Variants in MAP3K8 observed in about 807,000 individuals in gnomAD.
The protein encoded by MAP3K8 is mitogen-activated protein kinase kinase kinase 8.
A neutral mutation model predicts 45.8 loss-of-function variants in MAP3K8; 22 were observed. The ratio of observed to expected loss-of-function variants is 0.48; its 90% confidence interval spans 0.34 to 0.69. MAP3K8 has a LOEUF of 0.69. MAP3K8 is among the 30% of genes least tolerant of loss of function. MAP3K8 has a pLI of 0.01. For synonymous variants in MAP3K8, 223 were observed against 214.3 expected, an observed-to-expected ratio of 1.04 and a Z score of -0.36; for missense variants, 419 against 585.0, an observed-to-expected ratio of 0.72 and a Z score of 2.93.
chr10:30,443,581 G>C (rs1003400072), intron 3 of MAP3K8, among the ~76,000 whole-genome samples: 2 of 152,168 alleles, frequency 1.3e-5, no homozygotes, highest in Non-Finnish European at 2.9e-5. Flanking sequence ...TTGAATGTGA[G>C]GATCCATTTG....
intron 5 of MAP3K8, 135 bp from the exon 6 acceptor site, chr10:30,451,503 T>C: frequency 4.0e-6 from 2 of 500,226 alleles, no homozygotes; most frequent in South Asian, 7.2e-5. Flanking sequence ...CTTTTGAATA[T>C]AATACAACCA....
In MAP3K8 at chr10:30,458,253, C is replaced by CCTGGG; in HGVS notation, c.1026+17_1026+18insCTGGG. 1 of 599,126 alleles carries CCTGGG rather than the reference C, an allele frequency of 1.7e-6. No homozygotes were observed. Among genetic ancestry groups the CCTGGG allele is most frequent in the Non-Finnish European group, 2.6e-6 (1 of 387,902 alleles). The allele number at this position is 599,126 out of a possible 1,614,324, so 37.1% of individuals were successfully genotyped here. ...CTGTACATAGTAAGTGGGGTTCAAC[C>CCTGGG]AGGGCTGGGGGCGGCGGGGGGGGGC... On this transcript the variant is annotated intron_variant, in intron 7 of 8. Coordinates refer to ENST00000263056, the MANE Select transcript of MAP3K8 (RefSeq NM_005204.4).
At chr10:30,458,030 G>T (rs1351785125) in intron 6 of MAP3K8, 54 bp from the exon 7 acceptor site, 1 of 1,379,114 alleles carries the variant, frequency 7.3e-7, no homozygotes, top group Non-Finnish European at 9.5e-7. Flanking sequence ...TAGGGAAATG[G>T]AAACCCACAC....
intron 3 of MAP3K8, among the ~76,000 whole-genome samples, chr10:30,444,295 C>G (rs1317771637): frequency 6.6e-6 from 1 of 150,998 alleles, no homozygotes; most frequent in Non-Finnish European, 1.5e-5. Flanking sequence ...GAAACCCCAT[C>G]TCTACTAAAA....
chr10:30,453,084 G>A (rs1429288685), intron 6 of MAP3K8, among the ~76,000 whole-genome samples: 1 of 152,078 alleles, frequency 6.6e-6, no homozygotes, highest in African/African-American at 2.4e-5. Context: ...CCCAGTTGTT[G>A]CTATTGTTAT....
At chr10:30,439,405 G>A (rs1257915655) in intron 3 of MAP3K8, 131 bp downstream of exon 3, 2 of 1,420,708 alleles carry the variant, frequency 1.4e-6, no homozygotes, top group Non-Finnish European at 1.9e-6. Context: ...GTAATCATCA[G>A]TAAGAAGTAC....
chr10:30,452,272 C>T (rs1420101574), intron 6 of MAP3K8, among the ~76,000 whole-genome samples: 3 of 152,026 alleles, frequency 2.0e-5, no homozygotes, highest in Non-Finnish European at 4.4e-5. Context: ...GAGTTTGAGA[C>T]AAGCCTGACC....
chr10:30,449,233 G>C (rs964179457), intron 4 of MAP3K8, among the ~76,000 whole-genome samples: 6 of 152,058 alleles, frequency 3.9e-5, no homozygotes, highest in African/African-American at 1.4e-4. Context: ...GTAGACATCT[G>C]TGTGTTTTTT....
chr10:30,434,586 G>A (rs1472142406), intron 1 of MAP3K8: 3 of 985,980 alleles, frequency 3.0e-6, no homozygotes, highest in Middle Eastern at 5.2e-4. Flanking sequence ...GGGTCTCACG[G>A]GGTGCAGACT....
chr10:30,460,964 C>T lies in MAP3K8; in HGVS notation c.*128C>T. The stretch of plus-strand genomic sequence containing the variant: ...AAGGAGCAGTGTGACCTCCTGTGAC[C>T]CGTGAATGTGCCTCCAAGCGGCCCT... On this transcript the variant is annotated 3_prime_UTR_variant, in exon 9 of 9. Coordinates refer to ENST00000263056, the MANE Select transcript of MAP3K8 (RefSeq NM_005204.4). 8.3e-7 allele frequency: 1 copy of T among 1,211,228 alleles called. No individual in the cohort carries two copies. The highest frequency in any genetic ancestry group is 1.1e-6 in the Non-Finnish European group (1 of 881,280). 75.0% of individuals were successfully genotyped at this position (1,211,228 alleles called of 1,614,324 possible).
At chr10:30,441,031 A>G (rs1836086595) in intron 3 of MAP3K8, among the ~76,000 whole-genome samples, 1 of 152,356 alleles carries the variant, frequency 6.6e-6, no homozygotes, top group Admixed American at 6.5e-5. Context: ...TTAATCCTAA[A>G]AAGAAGAGAG....
chr10:30,448,030 A>G, intron 4 of MAP3K8, 81 bp downstream of exon 4: 1 of 1,317,078 alleles, frequency 7.6e-7, no homozygotes, highest in Non-Finnish European at 1.0e-6. Flanking sequence ...GCATTAACCA[A>G]AGGTTTTTAT....
In MAP3K8 at chr10:30,458,199, G is replaced by C. The variant is rs759141078; in HGVS notation, c.989G>C (p.Arg330Pro). The change falls in exon 7 of 9, where the codon CGC becomes CCC. Residue 330 changes from arginine (R) to proline (P), a missense_variant. Physicochemically the swap from Arg to Pro is moderately radical, Grantham distance 103. This residue lies in a region of MAP3K8 where 209 missense variants were observed against 367.3 expected (regional missense o/e 0.57). Coordinates refer to ENST00000263056, the MANE Select transcript of MAP3K8 (RefSeq NM_005204.4). ...MQTGTPPWVKRYPRSAYPSYL... is the reference protein window; with the variant it reads ...MQTGTPPWVKPYPRSAYPSYL... The stretch of plus-strand genomic sequence containing the variant: ...ACGGGCACCCCACCCTGGGTGAAGC[G>C]CTACCCTCGCTCAGCCTATCCCTCC... 1.3e-6 allele frequency: 2 copies of C among 1,553,158 alleles called. No individual in the cohort carries two copies. Among genetic ancestry groups the C allele is most frequent in the Admixed American group, 1.8e-5 (1 of 54,532 alleles).
In MAP3K8 at chr10:30,446,597, A is replaced by G. The variant is rs186575166; in HGVS notation, c.337-1185A>G. 1.4e-3 allele frequency among the ~76,000 whole-genome samples: 207 copies of G among 152,118 alleles called. 2 individuals carry two copies. The highest frequency in any genetic ancestry group is 4.7e-3 in the African/African-American group (194 of 41,546). On this transcript the variant is annotated intron_variant, in intron 3 of 8. Coordinates refer to ENST00000263056, the MANE Select transcript of MAP3K8 (RefSeq NM_005204.4). The stretch of plus-strand genomic sequence containing the variant: ...ACTCCTGAATTCAGAATCAGAAGCC[A>G]TAATATTACTGATTACATTGAGGAG...
intron 3 of MAP3K8, among the ~76,000 whole-genome samples, chr10:30,439,726 T>A (rs951108835): frequency 1.3e-5 from 2 of 152,156 alleles, no homozygotes; most frequent in Admixed American, 6.5e-5. Context: ...CGAGAATCCC[T>A]TGAACCTGGG....
At position 30,446,464 on chromosome 10, in the gene MAP3K8, G is replaced by A. The variant is rs1836342559; in HGVS notation, c.337-1318G>A. ...ATGAGAGAATCCCTTGAACCCAGGA[G>A]GCAGAGGTTGCATTGAGCCAAGATC... is the stretch of plus-strand genomic sequence containing the variant. On this transcript the variant is annotated intron_variant, in intron 3 of 8. Coordinates refer to ENST00000263056, the MANE Select transcript of MAP3K8 (RefSeq NM_005204.4). Among the ~76,000 whole-genome samples the A allele has an allele frequency of 2.6e-5, 4 of 151,748 alleles. No individual in the cohort carries two copies. The South Asian group carries it at 8.3e-4, about 32-fold the overall frequency.
chr10:30,436,925 A>C (rs758253102), intron 1 of MAP3K8, among the ~76,000 whole-genome samples: 1 of 151,586 alleles, frequency 6.6e-6, no homozygotes, highest in Non-Finnish European at 1.5e-5. Flanking sequence ...TTTCCAGTAA[A>C]TTCGACAAGC....
intron 1 of MAP3K8, among the ~76,000 whole-genome samples, chr10:30,436,170 G>A (rs1327393047): frequency 6.6e-6 from 1 of 152,150 alleles, no homozygotes; most frequent in Non-Finnish European, 1.5e-5. Flanking sequence ...TGTGTCAAGG[G>A]AAAAATCATC....
intron 6 of MAP3K8, among the ~76,000 whole-genome samples, 158 bp downstream of exon 6, chr10:30,451,902 G>A (rs1588784929): frequency 6.6e-6 from 1 of 152,262 alleles, no homozygotes; most frequent in East Asian, 1.9e-4. Flanking sequence ...CACTTGCTCT[G>A]TGTCAAGTAC....
Sources: allele counts gnomAD v4.1 joint callset (sites outside exome capture counted in the v4.1 genomes callset), GRCh38; gene constraint gnomAD v4.1.1; regional missense constraint gnomAD v4.1.1; transcripts MANE v1.5; gene names NCBI Gene and HGNC (gene_info 2026-07-23, HGNC 2026-07-21).